The following SRPX variants were observed in gnomAD, a reference collection of about 807,000 sequenced individuals.
SRPX encodes the protein sushi repeat containing protein X-linked.
In SRPX, 24 loss-of-function variants were observed where a neutral mutation model predicts 38.1. That is an observed-to-expected ratio of 0.63 (90% confidence interval 0.46 to 0.89). The LOEUF is 0.89. SRPX is among the 40% of genes least tolerant of loss of function. SRPX has a pLI of 0.00. For missense variants in SRPX, 416 were observed against 377.8 expected, an observed-to-expected ratio of 1.10 and a Z score of -0.84; for synonymous variants, 184 against 153.8, an observed-to-expected ratio of 1.20 and a Z score of -1.45.
At chrX:38,189,119 G>A (rs758333364) in intron 1 of SRPX, among the ~76,000 whole-genome samples, 82 of 111,503 alleles carry the variant, frequency 7.4e-4, no homozygotes, top group African/African-American at 2.6e-3. Context: ...AAAAAGCCCT[G>A]GGATTAAGTT....
At chrX:38,196,251 C>T (rs779345304) in intron 1 of SRPX, among the ~76,000 whole-genome samples, 1 of 112,126 alleles carries the variant, frequency 8.9e-6, no homozygotes, top group Non-Finnish European at 1.9e-5. Context: ...ATCTAGTTTA[C>T]ATAAAGGTCC....
At chrX:38,198,472 C>G (rs1454825222) in intron 1 of SRPX, among the ~76,000 whole-genome samples, 4 of 112,075 alleles carry the variant, frequency 3.6e-5, no homozygotes, top group African/African-American at 9.7e-5. Flanking sequence ...ATTGTTGGAG[C>G]CTTGGAGCAC....
Position 38,149,738 on chromosome X carries a change from G to T in SRPX, c.1368C>A (p.Ala456=). 8.3e-7 allele frequency: 1 copy of T among 1,210,453 alleles called. No individual in the cohort carries two copies. Among genetic ancestry groups the T allele is most frequent in the South Asian group, 1.8e-5 (1 of 56,600 alleles). The change falls in exon 10 of 10, where the codon GCC becomes GCA. Residue 456 remains alanine (A), a synonymous_variant. Transcript: ENST00000378533. ...PLRKEEMVLQ[A]EMSQTCNT ...AGGTGTTACAGGTCTGGCTCATTTC[G>T]GCTTGTAGGACCATCTCTTCTTTTC...
At chrX:38,150,979 G>A (rs904426159) in intron 9 of SRPX, among the ~76,000 whole-genome samples, 4 of 111,839 alleles carry the variant, frequency 3.6e-5, no homozygotes, top group East Asian at 2.8e-4. Flanking sequence ...TTGAGATTAT[G>A]TATGAGGCAG....
intron 7 of SRPX, 40 bp from the exon 8 acceptor site, chrX:38,157,069 C>T (rs762528777): frequency 7.5e-6 from 9 of 1,195,416 alleles, no homozygotes; most frequent in South Asian, 3.7e-5. Flanking sequence ...AAACCTTCCA[C>T]TTGTTCTGGC....
Position 38,219,681 on chromosome X carries a change from T to C in SRPX, c.97+1015A>G, listed in dbSNP as rs1361253244. On this transcript the variant is annotated intron_variant, in intron 1 of 9. Coordinates refer to ENST00000378533, the MANE Select transcript of SRPX (RefSeq NM_006307.5). ...CTGCTAGAAAGATGGGCATCCTCTA[T>C]CCTTCTACCAGAACTCAGTAGGTTC... Among the ~76,000 whole-genome samples the C allele has an allele frequency of 4.5e-5, 5 of 112,134 alleles. No homozygotes were observed. The Admixed American group carries it at 4.7e-4, about 11-fold the overall frequency.
chrX:38,156,620 T>A (rs1029701992), intron 8 of SRPX, among the ~76,000 whole-genome samples: 1 of 112,624 alleles, frequency 8.9e-6, no homozygotes, highest in Non-Finnish European at 1.9e-5. Flanking sequence ...AGACAATTGT[T>A]CTGTGGCTAG....
intron 1 of SRPX, among the ~76,000 whole-genome samples, chrX:38,205,685 A>G (rs1337622119): frequency 8.9e-6 from 1 of 111,942 alleles, no homozygotes; most frequent in Non-Finnish European, 1.9e-5. Context: ...CTTTGATAGT[A>G]TCAATAACCA....
chrX:38,200,533 C>T (rs1939089603), intron 1 of SRPX, among the ~76,000 whole-genome samples: 1 of 111,979 alleles, frequency 8.9e-6, no homozygotes, highest in Non-Finnish European at 1.9e-5. Flanking sequence ...ATTCAGCTCA[C>T]AGTTCTGGAG....
intron 7 of SRPX, 77 bp downstream of exon 7, chrX:38,159,940 G>T: frequency 1.9e-6 from 2 of 1,080,410 alleles, no homozygotes; most frequent in Admixed American, 2.8e-5. Flanking sequence ...TATATGAAGG[G>T]AAACCTCTCT....
In SRPX at chrX:38,160,120, G is replaced by T. The variant is rs1938215187; in HGVS notation, c.852C>A (p.Ala284=). Residue 284 remains alanine (A), a synonymous_variant, in exon 7 of 10, where the codon GCC becomes GCA. Coordinates refer to ENST00000378533, the MANE Select transcript of SRPX (RefSeq NM_006307.5). ...CGCCGATGCAGGAGAACTCACAGGT[G>T]GCTCCATAATTATCACCGTCGCTGG... ...KCSSDGDNYG[A]TCEFSCIGGY... 8.3e-7 allele frequency: 1 copy of T among 1,210,264 alleles called. No homozygotes were observed.
At chrX:38,173,409 T>C (rs1232814061) in intron 3 of SRPX, among the ~76,000 whole-genome samples, 1 of 111,786 alleles carries the variant, frequency 8.9e-6, no homozygotes, top group Non-Finnish European at 1.9e-5. Flanking sequence ...TCTGTGACTC[T>C]TTCCTGCCTC....
chrX:38,178,278 C>A lies in SRPX; in HGVS notation c.157+7G>T. ...GGTCCTCATTAGCACATAAGCAAAGCATTCACCTTTATATCTAGGGTGTGA... is the reference window on the plus strand; with the variant it reads ...GGTCCTCATTAGCACATAAGCAAAGAATTCACCTTTATATCTAGGGTGTGA... On this transcript the variant is annotated splice_region_variant and intron_variant, in intron 2 of 9. Transcript: ENST00000378533. 1 of 1,204,828 alleles carries A rather than the reference C, an allele frequency of 8.3e-7. No homozygotes were observed.
chrX:38,160,607 G>A (rs1938227374), intron 6 of SRPX, among the ~76,000 whole-genome samples: 1 of 111,688 alleles, frequency 9.0e-6, no homozygotes, highest in Non-Finnish European at 1.9e-5. Context: ...GGTTGTAGAT[G>A]GACTCACAGG....
In SRPX at chrX:38,212,512, T is replaced by C. The variant is rs1365550257; in HGVS notation, c.97+8184A>G. Among the ~76,000 whole-genome samples the C allele has an allele frequency of 1.1e-4, 12 of 111,738 alleles. No individual in the cohort carries two copies. The Admixed American group carries it at 1.1e-3, about 11-fold the overall frequency. On this transcript the variant is annotated intron_variant, in intron 1 of 9. Transcript: ENST00000378533. The stretch of plus-strand genomic sequence containing the variant: ...TCATGTAGAAGAATCATTGGAAGGA[T>C]CTTGTTAAAATGAAGATGCTGATTC...
intron 1 of SRPX, among the ~76,000 whole-genome samples, chrX:38,186,672 G>A (rs1938793387): frequency 9.0e-6 from 1 of 111,191 alleles, no homozygotes; most frequent in Non-Finnish European, 1.9e-5. Context: ...GCTGCTGGGA[G>A]CCTTTGACTG....
chrX:38,200,427 T>A (rs1159307956), intron 1 of SRPX, among the ~76,000 whole-genome samples: 2 of 112,156 alleles, frequency 1.8e-5, no homozygotes, highest in African/African-American at 6.5e-5. Flanking sequence ...ACTTTTGAAA[T>A]AAGCTATCTA....
chrX:38,189,333 A>G (rs1054443294), intron 1 of SRPX, among the ~76,000 whole-genome samples: 3 of 112,087 alleles, frequency 2.7e-5, no homozygotes, highest in African/African-American at 9.7e-5. Flanking sequence ...ACACCTGGCA[A>G]TAAACAAATT....
intron 1 of SRPX, among the ~76,000 whole-genome samples, chrX:38,204,963 T>A (rs1265265188): frequency 1.8e-5 from 2 of 111,491 alleles, no homozygotes; most frequent in African/African-American, 6.5e-5. Flanking sequence ...CAGTGGGAGA[T>A]TTTTTTAGGG....
Sources: gnomAD v4.1 joint callset for allele counts (sites outside exome capture counted in the v4.1 genomes callset) on GRCh38, gnomAD v4.1.1 for gene constraint, MANE v1.5 for transcripts, NCBI Gene and HGNC (gene_info 2026-07-23, HGNC 2026-07-21) for gene names.